Variants in DAP3 observed in about 807,000 individuals in gnomAD.
DAP3 encodes the protein death associated protein 3, also known as small ribosomal subunit protein mS29.
DAP3 carries 28 observed loss-of-function variants against 51.9 expected under a neutral mutation model. The observed-to-expected ratio is 0.54, with a 90% CI of 0.40 to 0.74. The LOEUF (loss-of-function observed/expected upper bound fraction) is 0.74, where lower values mean the gene tolerates loss of function less well. Ranked by LOEUF, DAP3 falls within the 30% of genes least tolerant of loss-of-function variation. The pLI, the probability that DAP3 is intolerant of heterozygous loss-of-function variation, is 0.00. For synonymous variants in DAP3, 170 were observed against 170.3 expected, an observed-to-expected ratio of 1.00 and a Z score of 0.01; for missense variants, 458 against 483.5, an observed-to-expected ratio of 0.95 and a Z score of 0.49.
chr1:155,688,949 C>T, upstream of DAP3: 1 of 1,612,040 alleles, frequency 6.2e-7, no homozygotes, highest in Non-Finnish European at 8.5e-7. Context: ...TTCGTCGCCG[C>T]GGCGCTGCGG....
intron 1 of DAP3, chr1:155,689,635 T>C (rs1020756696): frequency 3.1e-5 from 11 of 354,216 alleles, no homozygotes; most frequent in African/African-American, 2.1e-4. Flanking sequence ...AAGATAGGGC[T>C]GGGCGCGGTG....
intron 3 of DAP3, among the ~76,000 whole-genome samples, chr1:155,719,550 T>C (rs1657748765): frequency 6.6e-6 from 1 of 150,500 alleles, no homozygotes; most frequent in African/African-American, 2.5e-5. Flanking sequence ...AAATTTTCTT[T>C]TTCTTTTTCT....
In DAP3 at chr1:155,721,568, G is replaced by A; in HGVS notation, c.220G>A (p.Asp74Asn). Residue 74 changes from aspartate to asparagine, a missense_variant, in exon 4 of 13, where the codon GAT (aspartate) becomes AAT (asparagine). By Grantham distance (23) the Asp-to-Asn change is conservative (BLOSUM62 1). Coordinates refer to ENST00000368336, the MANE Select transcript of DAP3 (RefSeq NM_004632.4). ...EGQHYNISPQ[D>N]LETVFPHGLP... ...TCAGCACTACAACATCTCCCCCCAG[G>A]ATTTGGAGACTGTATTTCCCCATGG... 1.2e-6 allele frequency: 2 copies of A among 1,614,074 alleles called. No individual in the cohort carries two copies. Among genetic ancestry groups the A allele is most frequent in the Non-Finnish European group, 1.7e-6 (2 of 1,180,024 alleles).
At chr1:155,727,545 G>T (rs1461487637) in intron 6 of DAP3, 63 bp from the exon 7 acceptor site, 1 of 1,559,636 alleles carries the variant, frequency 6.4e-7, no homozygotes, top group Non-Finnish European at 8.7e-7. Context: ...AAGAGGCATA[G>T]AATATTTCGA....
At chr1:155,715,591 G>A (rs1182924029) in intron 2 of DAP3, among the ~76,000 whole-genome samples, 1 of 152,078 alleles carries the variant, frequency 6.6e-6, no homozygotes, top group Non-Finnish European at 1.5e-5. Context: ...GCTTTCATAT[G>A]ATAACCTATT....
chr1:155,732,005 C>G lies in DAP3; in HGVS notation c.965C>G (p.Ala322Gly). 3 of 1,611,740 alleles carry G rather than the reference C, an allele frequency of 1.9e-6. No individual in the cohort carries two copies. The highest frequency in any genetic ancestry group is 2.2e-5 in the South Asian group (2 of 90,520). ...QTGSLFKPRK[A>G]YLPQELLGKE... is the part of the protein sequence containing the mutation. ...GGGTCTCTCTTTAAGCCCCGGAAAGCCTATCTGCCCCAGGAGTTGCTGGGA... is the reference window on the plus strand; with the variant it reads ...GGGTCTCTCTTTAAGCCCCGGAAAGGCTATCTGCCCCAGGAGTTGCTGGGA... The change falls in exon 11 of 13, where the codon GCC (alanine) becomes GGC (glycine). Residue 322 changes from alanine (A) to glycine (G), a missense_variant. Physicochemically the swap from Ala to Gly is moderately conservative, Grantham distance 60. Coordinates refer to ENST00000368336, the MANE Select transcript of DAP3 (RefSeq NM_004632.4).
intron 1 of DAP3, among the ~76,000 whole-genome samples, chr1:155,706,494 G>C (rs1655984965): frequency 6.6e-6 from 1 of 152,174 alleles, no homozygotes; most frequent in Non-Finnish European, 1.5e-5. Context: ...AGGTGTGTCT[G>C]GGTGCGGTGG....
chr1:155,693,268 G>A (rs1392619445), intron 1 of DAP3, among the ~76,000 whole-genome samples: 1 of 141,926 alleles, frequency 7.0e-6, no homozygotes, highest in East Asian at 1.9e-4. Flanking sequence ...CAACATAAAA[G>A]GAGGCTTGAC....
intron 4 of DAP3, 52 bp from the exon 5 acceptor site, chr1:155,725,330 C>CGT: frequency 6.6e-7 from 1 of 1,516,096 alleles, no homozygotes; most frequent in South Asian, 1.1e-5. Flanking sequence ...TACCACCCCC[C>CGT]ACCCACTCCT....
chr1:155,689,199 A>G (rs2149093417), intron 1 of DAP3, 25 bp downstream of exon 1: 2 of 709,676 alleles, frequency 2.8e-6, no homozygotes, highest in Non-Finnish European at 5.1e-6. Flanking sequence ...CGACACGGGT[A>G]TTGTACCGCT....
Position 155,729,220 on chromosome 1 carries a change from G to T in DAP3, c.697G>T (p.Val233Leu). ...TCTCTCCCAATAGGGCATAACACGG[G>T]TGAGGAACGCCACAGATGCAGTTGG... ...GEVVEQGITR[V>L]RNATDAVGIV... The change falls in exon 9 of 13, where the codon GTG (valine) becomes TTG (leucine). Residue 233 changes from valine (V) to leucine (L), a missense_variant. Val to Leu is a conservative substitution (Grantham distance 32, BLOSUM62 1). Coordinates refer to ENST00000368336, the MANE Select transcript of DAP3 (RefSeq NM_004632.4). 6.2e-7 allele frequency: 1 copy of T among 1,614,212 alleles called. No individual in the cohort carries two copies. The highest frequency in any genetic ancestry group is 2.2e-5 in the East Asian group (1 of 44,890).
chr1:155,727,500 T>A, intron 6 of DAP3, 108 bp from the exon 7 acceptor site: 6 of 1,139,204 alleles, frequency 5.3e-6, no homozygotes, highest in Non-Finnish European at 7.2e-6. Context: ...AAGAAATATA[T>A]ATATGAGAAA....
intron 2 of DAP3, 43 bp from the exon 3 acceptor site, chr1:155,716,963 A>AG (rs1377047811): frequency 6.3e-7 from 1 of 1,576,870 alleles, no homozygotes; most frequent in East Asian, 2.2e-5. Flanking sequence ...AAAAAAAAAA[A>AG]AAGTTTGATA....
At chr1:155,724,809 GC>G (rs1302146340) in intron 4 of DAP3, among the ~76,000 whole-genome samples, 1 of 151,846 alleles carries the variant, frequency 6.6e-6, no homozygotes, top group Non-Finnish European at 1.5e-5. Flanking sequence ...ATACAAAATA[GC>G]CGGGCATGGT....
rs1023398675 is a variant in DAP3, at chr1:155,722,824, T to A, written c.270+1206T>A. Among the ~76,000 whole-genome samples, 9 of 152,150 alleles carry A rather than the reference T, an allele frequency of 5.9e-5. No individual in the cohort carries two copies. In the South Asian group the frequency reaches 8.3e-4, roughly 14 times the overall value. On this transcript the variant is annotated intron_variant, in intron 4 of 12. Coordinates refer to ENST00000368336, the MANE Select transcript of DAP3 (RefSeq NM_004632.4). Reference sequence around the variant, plus strand: ...AAAAAACAATTTTAATTAAAAAAAATTTTGTTGAAGAAATCATCTGCAGTG... The same window carrying A: ...AAAAAACAATTTTAATTAAAAAAAAATTTGTTGAAGAAATCATCTGCAGTG...
At chr1:155,715,817 G>A (rs985494403) in intron 2 of DAP3, among the ~76,000 whole-genome samples, 6 of 152,048 alleles carry the variant, frequency 3.9e-5, no homozygotes, top group South Asian at 4.1e-4. Flanking sequence ...CAGAGGTTTC[G>A]GTGTACAGTT....
Position 155,731,940 on chromosome 1 carries a change from T to G in DAP3, c.904-4T>G. The G allele has an allele frequency of 1.2e-6, 2 of 1,601,942 alleles. No homozygotes were observed. Among genetic ancestry groups the G allele is most frequent in the Non-Finnish European group, 1.7e-6 (2 of 1,175,772 alleles). On this transcript the variant is annotated splice_region_variant and splice_polypyrimidine_tract_variant and intron_variant, in intron 10 of 12. Coordinates refer to ENST00000368336, the MANE Select transcript of DAP3 (RefSeq NM_004632.4). ...CCAGTTCAGCCTTTTCTCTTTTCTT[T>G]CAGCATGGAGGCGCCATTGTGTCGG...
At chr1:155,717,402 C>T (rs914188449) in intron 3 of DAP3, among the ~76,000 whole-genome samples, 1 of 152,070 alleles carries the variant, frequency 6.6e-6, no homozygotes, top group African/African-American at 2.4e-5. Context: ...ATAGAGTTGT[C>T]GAATACTCAA....
chr1:155,697,084 T>C (rs933466440), intron 1 of DAP3, among the ~76,000 whole-genome samples: 8 of 152,214 alleles, frequency 5.3e-5, no homozygotes, highest in Admixed American at 1.3e-4. Flanking sequence ...ATCCTTTTTC[T>C]AGTAGTTTTT....
Sources: gnomAD v4.1 joint callset for allele counts (sites outside exome capture counted in the v4.1 genomes callset) on GRCh38, gnomAD v4.1.1 for gene constraint, MANE v1.5 for transcripts, NCBI Gene and HGNC (gene_info 2026-07-23, HGNC 2026-07-21) for gene names.